The following ASIC2 variants were observed in gnomAD, a reference collection of about 807,000 sequenced individuals.
The protein encoded by ASIC2 is acid-sensing ion channel 2.
Under a neutral mutation model 57.3 loss-of-function variants are expected in ASIC2, and 25 were observed. That is an observed-to-expected ratio of 0.44 (90% confidence interval 0.32 to 0.61). The LOEUF (loss-of-function observed/expected upper bound fraction) is 0.61. Among genes scored for constraint, ASIC2 ranks in the 20% least tolerant of loss-of-function variants. The pLI is 0.06. For missense variants in ASIC2, 641 were observed against 738.1 expected (o/e 0.87, Z 1.52); for synonymous variants, 319 against 307.5 (o/e 1.04, Z -0.39).
chr17:33,454,684 T>C (rs375285146), intron 1 of ASIC2, among the ~76,000 whole-genome samples: 6 of 152,290 alleles, frequency 3.9e-5, no homozygotes, highest in African/African-American at 1.4e-4. Context: ...GGCTGCATAA[T>C]TTATACACAA....
At chr17:33,497,371 A>G (rs1438718857) in intron 1 of ASIC2, among the ~76,000 whole-genome samples, 1 of 152,156 alleles carries the variant, frequency 6.6e-6, no homozygotes, top group East Asian at 1.9e-4. Flanking sequence ...TCTTCCATGT[A>G]GGGTTCACCT....
chr17:34,012,400 A>G (rs2142022673), intron 1 of ASIC2, among the ~76,000 whole-genome samples: 1 of 152,196 alleles, frequency 6.6e-6, no homozygotes, highest in South Asian at 2.1e-4. Flanking sequence ...AATACCACGG[A>G]TTTTCCAGAC....
chr17:33,609,416 G>C (rs371363574), intron 1 of ASIC2, among the ~76,000 whole-genome samples: 1 of 152,022 alleles, frequency 6.6e-6, no homozygotes, highest in East Asian at 1.9e-4. Flanking sequence ...CCAGTTCCTC[G>C]AGCACACCAA....
chr17:33,059,255 C>T (rs1410245260), intron 3 of ASIC2, among the ~76,000 whole-genome samples: 3 of 152,114 alleles, frequency 2.0e-5, no homozygotes, highest in African/African-American at 4.8e-5. Flanking sequence ...GTGTGCTGCA[C>T]CCATTAACTC....
At chr17:33,827,702 T>C (rs533141044) in intron 1 of ASIC2, 1 of 152,076 alleles carries the variant, frequency 6.6e-6, no homozygotes, top group Non-Finnish European at 1.5e-5. Context: ...TACAGTATTT[T>C]TTTTTCCTTT....
intron 1 of ASIC2, among the ~76,000 whole-genome samples, chr17:33,366,324 T>A (rs1388737912): frequency 2.0e-5 from 3 of 152,238 alleles, no homozygotes; most frequent in Non-Finnish European, 4.4e-5. Context: ...AGTTCTTCAC[T>A]GTCTTTCTCT....
chr17:34,069,379 TTC>T (rs777429380), intron 1 of ASIC2: 3 of 151,574 alleles, frequency 2.0e-5, no homozygotes, highest in East Asian at 3.9e-4. Context: ...TTTCCTTTTT[TTC>T]TCTTTCTTTT....
At chr17:33,928,378 C>G (rs567001104) in intron 1 of ASIC2, among the ~76,000 whole-genome samples, 119 of 152,186 alleles carry the variant, frequency 7.8e-4, no homozygotes, top group African/African-American at 2.7e-3. Flanking sequence ...AAAAGCTGAC[C>G]AGAACTGTGC....
chr17:33,210,820 G>A lies in ASIC2; in HGVS notation c.708+80588C>T, dbSNP rs970799463. Among the ~76,000 whole-genome samples the A allele has an allele frequency of 5.3e-5, 8 of 152,264 alleles. No homozygotes were observed. The East Asian group carries it at 5.8e-4, about 11-fold the overall frequency. On this transcript the variant is annotated intron_variant, in intron 1 of 9. Coordinates refer to ENST00000225823, the MANE Select transcript of ASIC2 (RefSeq NM_183377.2). ...AGGAATTCCTCAAAAGAAAACAGGC[G>A]TGGGCGGGTACCCTTGTTTCCCACT... is the stretch of plus-strand genomic sequence containing the variant.
intron 1 of ASIC2, among the ~76,000 whole-genome samples, chr17:33,119,941 G>C (rs1198607501): frequency 6.6e-6 from 1 of 152,178 alleles, no homozygotes; most frequent in Non-Finnish European, 1.5e-5. Context: ...ATCATGTGGA[G>C]CATGAGTGGG....
intron 1 of ASIC2, among the ~76,000 whole-genome samples, chr17:33,385,910 G>C (rs976276338): frequency 6.6e-6 from 1 of 152,194 alleles, no homozygotes; most frequent in African/African-American, 2.4e-5. Context: ...CTGTGAGCCA[G>C]GGGCTCTTAT....
chr17:34,154,537 G>A (rs563520913), intron 1 of ASIC2, among the ~76,000 whole-genome samples: 1 of 152,288 alleles, frequency 6.6e-6, no homozygotes, highest in African/African-American at 2.4e-5. Flanking sequence ...GGCACTCTGG[G>A]CTTTTTCAGA....
chr17:33,888,184 G>A (rs9906886), intron 1 of ASIC2, among the ~76,000 whole-genome samples: 68,035 of 151,956 alleles, frequency 0.45, 15,495 homozygotes, highest in East Asian at 0.59. Flanking sequence ...TAAACAGATG[G>A]TAGTGTGAGA....
rs112739648 is a variant in ASIC2 at position 33,174,117 on chromosome 17, A to G, written c.709-62050T>C. ...ACCACTCATTTAGGAAAGTTCAACC[A>G]GTTCTGAAAATCAAATCCATGGGGC... On this transcript the variant is annotated intron_variant, in intron 1 of 9. Transcript: ENST00000225823. 8.7e-3 allele frequency among the ~76,000 whole-genome samples: 1,330 copies of G among 152,294 alleles called. 11 individuals carry two copies. The highest frequency in any genetic ancestry group is 0.033 in the South Asian group (161 of 4,812).
In ASIC2 at chr17:33,348,203, G is replaced by A. The variant is rs183197889; in HGVS notation, c.556-236136C>T. On this transcript the variant is annotated intron_variant, in intron 1 of 9. Coordinates refer to the ASIC2 transcript ENST00000359872. ...TCTACGTGGATTTAGCAGTCGCTGT[G>A]AATGATGATAGAAATATTAGGACCC... Among the ~76,000 whole-genome samples, 300 of 152,312 alleles carry A rather than the reference G, an allele frequency of 2.0e-3. 2 individuals carry two copies. The Middle Eastern group carries it at 0.034, about 17-fold the overall frequency.
chr17:33,093,734 G>A (rs1338252759), intron 2 of ASIC2, among the ~76,000 whole-genome samples: 1 of 152,186 alleles, frequency 6.6e-6, no homozygotes, highest in Non-Finnish European at 1.5e-5. Context: ...GTAGGAGGAG[G>A]CAGGAGCAAT....
At chr17:34,095,641 A>T (rs1365108167) in intron 1 of ASIC2, among the ~76,000 whole-genome samples, 3 of 136,404 alleles carry the variant, frequency 2.2e-5, no homozygotes, top group African/African-American at 8.6e-5. Flanking sequence ...TTTTATATAT[A>T]TATATATATA....
intron 1 of ASIC2, among the ~76,000 whole-genome samples, chr17:33,975,186 C>T (rs1035483900): frequency 3.3e-5 from 5 of 152,156 alleles, no homozygotes; most frequent in African/African-American, 1.2e-4. Context: ...TAATTGAGAC[C>T]GTCTCCTGTT....
At chr17:33,572,172 T>C (rs1471200512) in intron 1 of ASIC2, 1 of 152,214 alleles carries the variant, frequency 6.6e-6, no homozygotes, top group Non-Finnish European at 1.5e-5. Context: ...GTGACCTCTA[T>C]TGAATGTAAC....
Sources: gnomAD v4.1 joint callset for allele counts (sites outside exome capture counted in the v4.1 genomes callset) on GRCh38, gnomAD v4.1.1 for gene constraint, MANE v1.5 for transcripts, NCBI Gene and HGNC (gene_info 2026-07-23, HGNC 2026-07-21) for gene names.